Variants in TANGO6 observed in about 807,000 individuals in gnomAD.
The protein encoded by TANGO6 is transport and Golgi organization protein 6 homolog.
A neutral mutation model predicts 114.2 loss-of-function variants in TANGO6; 90 were observed. The observed-to-expected ratio is 0.79, with a 90% CI of 0.66 to 0.94. The LOEUF (loss-of-function observed/expected upper bound fraction) is 0.94, where lower values mean the gene tolerates loss of function less well. TANGO6 is among the 40% of genes least tolerant of loss of function. TANGO6 has a pLI of 0.00. For synonymous variants in TANGO6, 477 were observed against 509.8 expected (o/e 0.94, Z 0.87); for missense variants, 1,274 against 1,315.3 (o/e 0.97, Z 0.49).
intron 17 of TANGO6, among the ~76,000 whole-genome samples, chr16:69,081,461 C>T (rs766673196): frequency 5.9e-5 from 9 of 151,264 alleles, no homozygotes; most frequent in African/African-American, 1.2e-4. Context: ...CTGCAACCTC[C>T]GCCTCCCCAG....
At chr16:69,009,216 G>C (rs1184148679) in intron 15 of TANGO6, among the ~76,000 whole-genome samples, 1 of 151,112 alleles carries the variant, frequency 6.6e-6, no homozygotes, top group African/African-American at 2.4e-5. Flanking sequence ...CAAATAGCTG[G>C]GATTACAGGC....
intron 14 of TANGO6, among the ~76,000 whole-genome samples, chr16:68,948,896 A>G (rs1488568904): frequency 2.6e-5 from 4 of 152,184 alleles, no homozygotes; most frequent in Non-Finnish European, 4.4e-5. Context: ...TCAGAAATCA[A>G]TCCTGGGTGG....
At chr16:69,014,357 CA>C (rs139344807) in intron 15 of TANGO6, among the ~76,000 whole-genome samples, 13,044 of 152,126 alleles carry the variant, frequency 0.086, 645 homozygotes, top group African/African-American at 0.13. Context: ...AGTCTTCTAG[CA>C]GACTTTCCTT....
At chr16:68,846,447 G>A in intron 1 of TANGO6, 1 of 286,978 alleles carries the variant, frequency 3.5e-6, no homozygotes, top group South Asian at 2.8e-5. Context: ...GGAAAAGGGA[G>A]GAGAGTTCAA....
chr16:69,018,380 C>T (rs568160464), intron 15 of TANGO6, among the ~76,000 whole-genome samples: 210 of 150,116 alleles, frequency 1.4e-3, no homozygotes, highest in African/African-American at 4.5e-3. Flanking sequence ...AATCTCCTGA[C>T]CTCGTGATCT....
intron 14 of TANGO6, among the ~76,000 whole-genome samples, chr16:68,964,253 C>T (rs2152209963): frequency 6.6e-6 from 1 of 151,840 alleles, no homozygotes; most frequent in African/African-American, 2.4e-5. Context: ...TCACCATGTA[C>T]CCTATGAATA....
chr16:69,039,787 G>A (rs931559020), intron 16 of TANGO6, among the ~76,000 whole-genome samples: 1 of 152,218 alleles, frequency 6.6e-6, no homozygotes, highest in African/African-American at 2.4e-5. Context: ...ACATGCTGAA[G>A]AAGATCAGTT....
At chr16:69,003,160 C>T (rs1393041748) in intron 15 of TANGO6, among the ~76,000 whole-genome samples, 2 of 151,570 alleles carry the variant, frequency 1.3e-5, no homozygotes, top group Admixed American at 6.6e-5. Flanking sequence ...CCAGGTAAAA[C>T]AAAAAAAGCC....
At chr16:68,903,635 A>G (rs1962813005) in intron 9 of TANGO6, among the ~76,000 whole-genome samples, 1 of 140,624 alleles carries the variant, frequency 7.1e-6, no homozygotes, top group South Asian at 2.3e-4. Context: ...AAAAAAAAAA[A>G]GAAGGACCAG....
At chr16:69,028,022 C>G (rs551479005) in intron 16 of TANGO6, among the ~76,000 whole-genome samples, 1 of 151,958 alleles carries the variant, frequency 6.6e-6, no homozygotes, top group South Asian at 2.1e-4. Context: ...TGCAGTGGCA[C>G]GATCTCTGCT....
chr16:68,858,264 A>T (rs1171846658), intron 1 of TANGO6, among the ~76,000 whole-genome samples: 3 of 152,160 alleles, frequency 2.0e-5, no homozygotes, highest in Admixed American at 6.5e-5. Context: ...GGGTTTCACC[A>T]TGTTGGCCAG....
chr16:68,874,102 A>G (rs1034955648), intron 4 of TANGO6, among the ~76,000 whole-genome samples: 16 of 151,966 alleles, frequency 1.1e-4, no homozygotes, highest in African/African-American at 3.6e-4. Context: ...AGGCTTTGGT[A>G]TTTTCCTCAC....
At chr16:69,052,232 G>T (rs1214495367) in intron 17 of TANGO6, among the ~76,000 whole-genome samples, 1 of 149,244 alleles carries the variant, frequency 6.7e-6, no homozygotes. Flanking sequence ...GGGATTGCAG[G>T]TGTGTGCCAT....
At chr16:69,082,023 G>A (rs555860040) in intron 17 of TANGO6, among the ~76,000 whole-genome samples, 3 of 152,058 alleles carry the variant, frequency 2.0e-5, no homozygotes, top group African/African-American at 7.2e-5. Flanking sequence ...CACCCAGGCT[G>A]GAGTTCAGTG....
At chr16:68,871,652 C>G (rs1325107290) in intron 4 of TANGO6, among the ~76,000 whole-genome samples, 1 of 152,070 alleles carries the variant, frequency 6.6e-6, no homozygotes, top group Non-Finnish European at 1.5e-5. Context: ...CAGGGTCTTG[C>G]TCTGTCTCCC....
chr16:68,914,078 G>GC (rs1962965601), intron 11 of TANGO6, among the ~76,000 whole-genome samples: 1 of 152,134 alleles, frequency 6.6e-6, no homozygotes, highest in African/African-American at 2.4e-5. Context: ...AGGTTTAGAC[G>GC]CCCCCATAGG....
chr16:69,022,937 G>A lies in TANGO6; in HGVS notation c.2952G>A (p.Leu984=), dbSNP rs1027378250. 5.0e-6 allele frequency: 8 copies of A among 1,604,594 alleles called. No homozygotes were observed. The highest frequency in any genetic ancestry group is 6.8e-6 in the Non-Finnish European group (8 of 1,176,318). ...RASSLANLGE[L]CQRLDFLLGS... ...GCAGCTTGGCCAACCTTGGGGAGCT[G>A]TGCCAGAGGCTGGACTTTCTGCTGG... The change falls in exon 16 of 18, where the codon CTG becomes CTA. Residue 984 remains leucine (L), a synonymous_variant. Transcript: ENST00000261778.
chr16:68,937,312 A>G (rs753023589), intron 14 of TANGO6: 1 of 152,158 alleles, frequency 6.6e-6, no homozygotes, highest in Non-Finnish European at 1.5e-5. Context: ...GCATTTAGAG[A>G]ATGTCTCTCA....
intron 4 of TANGO6, 118 bp downstream of exon 4, chr16:68,867,338 C>T (rs1265023063): frequency 2.2e-6 from 3 of 1,339,816 alleles, no homozygotes; most frequent in South Asian, 1.4e-5. Context: ...AAACTCCATC[C>T]TTGCAGGGAT....
Sources: gnomAD v4.1 joint callset for allele counts (sites outside exome capture counted in the v4.1 genomes callset) on GRCh38, gnomAD v4.1.1 for gene constraint, MANE v1.5 for transcripts, NCBI Gene and HGNC (gene_info 2026-07-23, HGNC 2026-07-21) for gene names.